The following ZZZ3 variants were observed in gnomAD, a reference collection of about 807,000 sequenced individuals.
ZZZ3 encodes the protein zinc finger ZZ-type containing 3, also known as ZZ-type zinc finger-containing protein 3.
In ZZZ3, 22 loss-of-function variants were observed where a neutral mutation model predicts 95.2. The ratio of observed to expected loss-of-function variants is 0.23; its 90% CI spans 0.17 to 0.33. The LOEUF (loss-of-function observed/expected upper bound fraction) is 0.33. Ranked by LOEUF, ZZZ3 falls within the 10% of genes least tolerant of loss-of-function variation. The pLI is 1.00. For synonymous variants in ZZZ3, 335 were observed against 358.9 expected, an observed-to-expected ratio of 0.93 and a Z score of 0.75; for missense variants, 885 against 1,066.5, an observed-to-expected ratio of 0.83 and a Z score of 2.37.
In ZZZ3 at chr1:77,572,165, G is replaced by C. The variant is rs531116061; in HGVS notation, c.2332-3699C>G. Among the ~76,000 whole-genome samples the C allele has an allele frequency of 3.9e-5, 6 of 152,260 alleles. No homozygotes were observed. The South Asian group carries it at 1.2e-3, about 32-fold the overall frequency. ...GCTTCATAAATATACATCTTGAGTA[G>C]CTATTTTAAAGTGATCAGAATAATT... On this transcript the variant is annotated intron_variant, in intron 12 of 14. Coordinates refer to ENST00000370801, the MANE Select transcript of ZZZ3 (RefSeq NM_015534.6).
intron 6 of ZZZ3, among the ~76,000 whole-genome samples, chr1:77,584,010 A>C (rs1662805895): frequency 1.3e-5 from 2 of 152,224 alleles, no homozygotes; most frequent in Admixed American, 6.5e-5. Context: ...ATTAAGTAAA[A>C]TTTATACTTC....
chr1:77,664,028 G>C (rs1671047694), intron 1 of ZZZ3, among the ~76,000 whole-genome samples: 2 of 151,386 alleles, frequency 1.3e-5, no homozygotes, highest in South Asian at 4.2e-4. Context: ...GGGATTACAG[G>C]TGTGAGCCAT....
At chr1:77,670,183 T>C (rs965825604) in intron 1 of ZZZ3, among the ~76,000 whole-genome samples, 2 of 151,284 alleles carry the variant, frequency 1.3e-5, no homozygotes, top group Non-Finnish European at 2.9e-5. Flanking sequence ...TTTTAGTACA[T>C]GGGAGCCTCC....
chr1:77,615,428 T>C (rs1328658675), intron 5 of ZZZ3, among the ~76,000 whole-genome samples: 1 of 152,152 alleles, frequency 6.6e-6, no homozygotes, highest in East Asian at 1.9e-4. Flanking sequence ...GCTTCAACAA[T>C]CTCACAATCT....
In ZZZ3 at chr1:77,669,635, T is replaced by A. The variant is rs916120568; in HGVS notation, c.-403+12950A>T. On this transcript the variant is annotated intron_variant, in intron 1 of 14. Transcript: ENST00000370801. ...ACCATACCTGGCTAATGTTTGTATT[T>A]TTAGTAGAGAGGGGGTTTGTCCATG... Among the ~76,000 whole-genome samples the A allele has an allele frequency of 2.0e-5, 3 of 152,028 alleles. No homozygotes were observed. In the South Asian group the frequency reaches 6.3e-4, roughly 32 times the overall value.
intron 5 of ZZZ3, among the ~76,000 whole-genome samples, chr1:77,591,179 A>C (rs1479497344): frequency 1.3e-5 from 2 of 152,164 alleles, no homozygotes; most frequent in Non-Finnish European, 2.9e-5. Flanking sequence ...AGCACGCAAA[A>C]TTTTAAAAAT....
At chr1:77,583,455 CA>C (rs898269069) in intron 6 of ZZZ3, among the ~76,000 whole-genome samples, 2 of 151,946 alleles carry the variant, frequency 1.3e-5, no homozygotes, top group Non-Finnish European at 2.9e-5. Flanking sequence ...GAAGGTACAC[CA>C]AAATTCTAAA....
intron 5 of ZZZ3, among the ~76,000 whole-genome samples, chr1:77,630,010 C>T (rs1315804643): frequency 6.6e-6 from 1 of 151,966 alleles, no homozygotes; most frequent in Non-Finnish European, 1.5e-5. Context: ...TAGTGAATTA[C>T]TAGAAAAAAA....
chr1:77,637,170 T>C (rs1236103395), intron 4 of ZZZ3, among the ~76,000 whole-genome samples: 3 of 152,202 alleles, frequency 2.0e-5, no homozygotes, highest in Non-Finnish European at 4.4e-5. Context: ...AATAAGATAA[T>C]AGTCATCAAG....
chr1:77,571,656 C>A (rs146154374), intron 12 of ZZZ3, among the ~76,000 whole-genome samples: 1 of 152,142 alleles, frequency 6.6e-6, no homozygotes, highest in African/African-American at 2.4e-5. Context: ...GAAGACCATA[C>A]GCTGGGTGAA....
intron 5 of ZZZ3, among the ~76,000 whole-genome samples, chr1:77,593,771 C>T (rs1433277994): frequency 6.6e-6 from 1 of 151,966 alleles, no homozygotes; most frequent in African/African-American, 2.4e-5. Context: ...AATAACTTTT[C>T]TAGGAAGAAA....
chr1:77,633,399 G>A lies in ZZZ3; in HGVS notation c.-45C>T. On this transcript the variant is annotated 5_prime_UTR_variant, in exon 5 of 15. Transcript: ENST00000370801. ...ATACGGTCATCATGATCCACTCATT[G>A]GGAAACCTTCAAAAATGTAAACAAA... is the stretch of plus-strand genomic sequence containing the variant. 6.6e-7 allele frequency: 1 copy of A among 1,523,764 alleles called. No homozygotes were observed. The highest frequency in any genetic ancestry group is 2.3e-5 in the Admixed American group (1 of 44,240). The allele number at this position is 1,523,764 out of a possible 1,614,324, so 94.4% of individuals were successfully genotyped here.
At chr1:77,576,622 T>C (rs567763636) in intron 11 of ZZZ3, among the ~76,000 whole-genome samples, 3 of 152,316 alleles carry the variant, frequency 2.0e-5, no homozygotes, top group East Asian at 1.9e-4. Flanking sequence ...AAAATTTCTA[T>C]AACATTATGA....
At chr1:77,566,991 G>A (rs1442229886) in intron 13 of ZZZ3, among the ~76,000 whole-genome samples, 2 of 152,202 alleles carry the variant, frequency 1.3e-5, no homozygotes, top group Non-Finnish European at 2.9e-5. Flanking sequence ...AGAGCTGCCA[G>A]TTAGGAAAAT....
At chr1:77,652,603 A>C (rs1229902679) in intron 1 of ZZZ3, among the ~76,000 whole-genome samples, 1 of 152,230 alleles carries the variant, frequency 6.6e-6, no homozygotes, top group Non-Finnish European at 1.5e-5. Context: ...GTATACACCC[A>C]AAAATAAAGG....
Position 77,632,108 on chromosome 1 carries a change from T to A in ZZZ3, c.1247A>T (p.Asn416Ile). ...EENNLSPNET[N>I]ATVSDNVSQS... ...ACTTACATTATCACTAACAGTTGCA[T>A]TTGTTTCATTAGGACTAAGATTATT... Residue 416 changes from asparagine to isoleucine, a missense_variant, in exon 5 of 15, where the codon AAT (asparagine) becomes ATT (isoleucine). Asn to Ile is a moderately radical substitution (Grantham distance 149, BLOSUM62 -3). Transcript: ENST00000370801. The A allele has an allele frequency of 6.2e-7, 1 of 1,614,148 alleles. No individual in the cohort carries two copies. The highest frequency in any genetic ancestry group is 1.1e-5 in the South Asian group (1 of 91,082).
chr1:77,567,454 G>C (rs1001761541), intron 13 of ZZZ3, among the ~76,000 whole-genome samples: 1 of 152,182 alleles, frequency 6.6e-6, no homozygotes, highest in East Asian at 1.9e-4. Context: ...TAAGTAACTA[G>C]AATGATTCTT....
chr1:77,636,865 T>C (rs1668352854), intron 4 of ZZZ3, among the ~76,000 whole-genome samples: 1 of 152,228 alleles, frequency 6.6e-6, no homozygotes, highest in Non-Finnish European at 1.5e-5. Context: ...CCATTTCTTC[T>C]GTACCCTAAA....
intron 5 of ZZZ3, among the ~76,000 whole-genome samples, chr1:77,612,706 T>A (rs1189806510): frequency 6.6e-6 from 1 of 151,866 alleles, no homozygotes; most frequent in Non-Finnish European, 1.5e-5. Flanking sequence ...TATTGCGTGA[T>A]CTGGTCTATA....
Sources: allele counts gnomAD v4.1 joint callset (sites outside exome capture counted in the v4.1 genomes callset), GRCh38; gene constraint gnomAD v4.1.1; transcripts MANE v1.5; gene names NCBI Gene and HGNC (gene_info 2026-07-23, HGNC 2026-07-21).